The following OXR1 variants were observed in gnomAD, a reference collection of about 807,000 sequenced individuals.
OXR1 encodes oxidation resistance protein 1.
In OXR1, 41 loss-of-function variants were observed where a neutral mutation model predicts 104.6. The ratio of observed to expected loss-of-function variants is 0.39; its 90% CI spans 0.31 to 0.51. The LOEUF (loss-of-function observed/expected upper bound fraction) is 0.51, where lower values mean the gene tolerates loss of function less well. Among genes scored for constraint, OXR1 ranks in the 20% least tolerant of loss-of-function variants. The pLI is 0.77. For missense variants in OXR1, 955 were observed against 1,031.9 expected (o/e 0.93, Z 1.02); for synonymous variants, 348 against 348.4 (o/e 1.00, Z 0.01).
At chr8:106,418,757 C>G (rs1028426279) in intron 2 of OXR1, among the ~76,000 whole-genome samples, 2 of 152,062 alleles carry the variant, frequency 1.3e-5, no homozygotes, top group South Asian at 2.1e-4. Context: ...CACTTTGAAC[C>G]TACCTCCAGA....
At chr8:106,272,587 G>A (rs544027119) in intron 1 of OXR1, 2 of 152,364 alleles carry the variant, frequency 1.3e-5, no homozygotes, top group East Asian at 1.9e-4. Context: ...GCAAGGTGAT[G>A]TCTGTCCCGT....
At chr8:106,668,033 A>C (rs3101533) in intron 3 of OXR1, among the ~76,000 whole-genome samples, 44,699 of 151,330 alleles carry the variant, frequency 0.3, 8,439 homozygotes, top group African/African-American at 0.54. Context: ...TTTAGGTGGG[A>C]TATATTTAAC....
intron 3 of OXR1, among the ~76,000 whole-genome samples, chr8:106,548,174 A>C (rs1815520391): frequency 6.6e-6 from 1 of 152,170 alleles, no homozygotes; most frequent in South Asian, 2.1e-4. Context: ...CATCCTAATG[A>C]GTGGGAAATG....
At chr8:106,367,160 C>G (rs568525901) in intron 2 of OXR1, among the ~76,000 whole-genome samples, 2 of 150,928 alleles carry the variant, frequency 1.3e-5, no homozygotes, top group African/African-American at 4.9e-5. Flanking sequence ...CTCCCGGGTT[C>G]AAGGGATTCT....
At chr8:106,357,603 T>A (rs533519315) in intron 1 of OXR1, among the ~76,000 whole-genome samples, 53 of 152,134 alleles carry the variant, frequency 3.5e-4, no homozygotes, top group African/African-American at 1.0e-3. Context: ...TGTGCTTTTT[T>A]AAAAATATGA....
chr8:106,338,634 C>A (rs1244915052), intron 1 of OXR1, among the ~76,000 whole-genome samples: 2 of 151,414 alleles, frequency 1.3e-5, no homozygotes, highest in Non-Finnish European at 2.9e-5. Flanking sequence ...TTTAAAAAAA[C>A]CACTGTTCTG....
chr8:106,458,602 A>T (rs894328342), intron 2 of OXR1, among the ~76,000 whole-genome samples: 2 of 152,048 alleles, frequency 1.3e-5, no homozygotes, highest in South Asian at 4.2e-4. Flanking sequence ...AGAACTGTAG[A>T]GCTACCAGCT....
chr8:106,718,073 A>G (rs1271253385), intron 11 of OXR1, among the ~76,000 whole-genome samples: 2 of 152,200 alleles, frequency 1.3e-5, no homozygotes, highest in African/African-American at 4.8e-5. Flanking sequence ...ACAACAAGAA[A>G]CATTTTCTAT....
At chr8:106,282,836 A>G (rs1812343943) in intron 1 of OXR1, among the ~76,000 whole-genome samples, 1 of 152,198 alleles carries the variant, frequency 6.6e-6, no homozygotes, top group Non-Finnish European at 1.5e-5. Context: ...CCAAGGGTCA[A>G]CTGTATTAAT....
intron 1 of OXR1, among the ~76,000 whole-genome samples, chr8:106,328,604 C>G (rs1056594938): frequency 6.6e-6 from 1 of 152,134 alleles, no homozygotes; most frequent in African/African-American, 2.4e-5. Context: ...TGTGAAACTT[C>G]AATGTCAGTC....
At chr8:106,559,539 G>A (rs1017575346) in intron 3 of OXR1, among the ~76,000 whole-genome samples, 3 of 152,148 alleles carry the variant, frequency 2.0e-5, no homozygotes, top group Non-Finnish European at 4.4e-5. Context: ...CACTTGGACT[G>A]CTACAACATA....
intron 3 of OXR1, among the ~76,000 whole-genome samples, chr8:106,665,078 G>T (rs1286148903): frequency 6.6e-6 from 1 of 152,136 alleles, no homozygotes; most frequent in Non-Finnish European, 1.5e-5. Context: ...GATTAATAAA[G>T]ACAAGAGAAT....
intron 8 of OXR1, among the ~76,000 whole-genome samples, 167 bp from the exon 9 acceptor site, chr8:106,706,212 AATT>A (rs1472252817): frequency 6.6e-6 from 1 of 152,182 alleles, no homozygotes; most frequent in Non-Finnish European, 1.5e-5. Flanking sequence ...CTATAAGGTT[AATT>A]ATTTGGTCAT....
intron 2 of OXR1, among the ~76,000 whole-genome samples, chr8:106,404,222 C>A (rs537478679): frequency 2.6e-5 from 4 of 152,240 alleles, no homozygotes; most frequent in Admixed American, 2.0e-4. Flanking sequence ...GGGGAGGCCA[C>A]TTCTGCTGCA....
chr8:106,726,138 CTG>C, intron 11 of OXR1: 1 of 1,432,416 alleles, frequency 7.0e-7, no homozygotes, highest in Non-Finnish European at 9.1e-7. Flanking sequence ...TGTTTTGTCA[CTG>C]TAGTAAGGCT....
At chr8:106,475,347 T>C (rs1332966857) in intron 2 of OXR1, among the ~76,000 whole-genome samples, 1 of 151,930 alleles carries the variant, frequency 6.6e-6, no homozygotes, top group African/African-American at 2.4e-5. Context: ...ATATATTTAA[T>C]ATTTATTAAG....
chr8:106,480,792 C>T (rs1822068517), intron 2 of OXR1, among the ~76,000 whole-genome samples: 1 of 151,916 alleles, frequency 6.6e-6, no homozygotes, highest in South Asian at 2.1e-4. Flanking sequence ...AAAATACCTG[C>T]CTTGCCTATC....
rs139620853 is a variant in OXR1, at chr8:106,524,011, C to T, written c.220+4872C>T. Among the ~76,000 whole-genome samples the T allele has an allele frequency of 3.9e-3, 601 of 152,156 alleles. 3 individuals are homozygous for T. Among genetic ancestry groups the T allele is most frequent in the African/African-American group, 0.014 (583 of 41,514 alleles). ...CAGGATGATCTCGATCTCCTGACCT[C>T]GTGATCCATCTGCCTCGACCTCCCA... On this transcript the variant is annotated intron_variant, in intron 3 of 16. Coordinates refer to ENST00000517566, the MANE Select transcript of OXR1 (RefSeq NM_001198533.2).
intron 11 of OXR1, among the ~76,000 whole-genome samples, chr8:106,719,479 T>G (rs531683841): frequency 1.1e-4 from 17 of 152,248 alleles, no homozygotes; most frequent in Non-Finnish European, 2.2e-4. Flanking sequence ...AGAATACATG[T>G]AATATGTACA....
Sources: allele counts gnomAD v4.1 joint callset (sites outside exome capture counted in the v4.1 genomes callset), GRCh38; gene constraint gnomAD v4.1.1; transcripts MANE v1.5; gene names NCBI Gene and HGNC (gene_info 2026-07-23, HGNC 2026-07-21).